The following ADAMTSL1 variants were observed in gnomAD, a reference collection of about 807,000 sequenced individuals.
ADAMTSL1 encodes the protein ADAMTS like 1, also known as ADAMTS-like protein 1.
ADAMTSL1 carries 126 observed loss-of-function variants against 201.8 expected under a neutral mutation model. The ratio of observed to expected loss-of-function variants is 0.62; its 90% CI spans 0.54 to 0.72. The LOEUF is 0.72. ADAMTSL1 is among the 30% of genes least tolerant of loss of function. The pLI, the probability that ADAMTSL1 is intolerant of heterozygous loss-of-function variation, is 0.00. For synonymous variants in ADAMTSL1, 1,121 were observed against 903.4 expected, an observed-to-expected ratio of 1.24 and a Z score of -4.32; for missense variants, 2,679 against 2,277.8, an observed-to-expected ratio of 1.18 and a Z score of -3.59.
intron 5 of ADAMTSL1, 115 bp downstream of exon 5, chr9:18,622,484 C>A: frequency 6.8e-7 from 1 of 1,472,698 alleles, no homozygotes; most frequent in Non-Finnish European, 9.3e-7. Flanking sequence ...GATAATGAAC[C>A]TGAAAATGTA....
At chr9:18,254,424 G>A (rs1245936722) in intron 2 of ADAMTSL1, among the ~76,000 whole-genome samples, 1 of 124,022 alleles carries the variant, frequency 8.1e-6, no homozygotes, top group Admixed American at 1.0e-4. Flanking sequence ...GTACAGTGGC[G>A]CGATCTCAGC....
At chr9:18,572,889 C>T (rs1822428520) in intron 3 of ADAMTSL1, among the ~76,000 whole-genome samples, 1 of 152,182 alleles carries the variant, frequency 6.6e-6, no homozygotes, top group African/African-American at 2.4e-5. Flanking sequence ...AGCCTTTCTA[C>T]AGCTGGAGAG....
At chr9:18,334,258 T>C (rs2132927270) in intron 2 of ADAMTSL1, among the ~76,000 whole-genome samples, 1 of 152,222 alleles carries the variant, frequency 6.6e-6, no homozygotes, top group Non-Finnish European at 1.5e-5. Flanking sequence ...CAATACAAAT[T>C]GGAATTGTGA....
At chr9:18,000,823 G>C (rs59667295) in intron 1 of ADAMTSL1, among the ~76,000 whole-genome samples, 13,485 of 152,106 alleles carry the variant, frequency 0.089, 702 homozygotes, top group African/African-American at 0.13. Flanking sequence ...GGTGAATCCA[G>C]GTGACAGGGA....
rs889387289 is a variant in ADAMTSL1 at position 18,900,047 on chromosome 9, A to G, written c.4852-5735A>G. 3.9e-5 allele frequency among the ~76,000 whole-genome samples: 6 copies of G among 152,356 alleles called. No homozygotes were observed. The South Asian group carries it at 6.2e-4, about 16-fold the overall frequency. On this transcript the variant is annotated intron_variant, in intron 26 of 28. Transcript: ENST00000380548. ...AAATTTTGCAATCTATCCATCTGAC[A>G]AAGGTCTAAATCCAGTCAAGAGGAA...
chr9:18,656,360 G>C (rs946516698), intron 7 of ADAMTSL1, among the ~76,000 whole-genome samples: 1 of 152,054 alleles, frequency 6.6e-6, no homozygotes, highest in Non-Finnish European at 1.5e-5. Flanking sequence ...GGCCAGGCAC[G>C]GTGGCTCACG....
intron 21 of ADAMTSL1, among the ~76,000 whole-genome samples, chr9:18,819,154 G>T (rs4977449): frequency 6.6e-6 from 1 of 151,990 alleles, no homozygotes; most frequent in South Asian, 2.1e-4. Flanking sequence ...GAACTGGTAG[G>T]AGTAAAAGAA....
chr9:18,738,267 T>A (rs555839445), intron 15 of ADAMTSL1, among the ~76,000 whole-genome samples: 1 of 152,284 alleles, frequency 6.6e-6, no homozygotes, highest in East Asian at 1.9e-4. Context: ...TCTTTAAAAC[T>A]ATGGAAAGGA....
At position 18,777,425 on chromosome 9, in the gene ADAMTSL1, C is replaced by T; in HGVS notation, c.3196C>T (p.His1066Tyr). 1 of 1,600,468 alleles carries T rather than the reference C, an allele frequency of 6.2e-7. No homozygotes were observed. The highest frequency in any genetic ancestry group is 8.5e-7 in the Non-Finnish European group (1 of 1,173,996). ...EDPGAEQVLL[H>Y]LPFTMVTEQR... The stretch of plus-strand genomic sequence containing the variant: ...CCCGGGTGCAGAGCAAGTGCTCCTG[C>T]ACCTGCCCTTCACCATGGTGACCGA... Residue 1066 changes from histidine to tyrosine, a missense_variant, in exon 19 of 29, where the codon CAC becomes TAC. By Grantham distance (83) the His-to-Tyr change is moderately conservative (BLOSUM62 2). Transcript: ENST00000380548.
At chr9:18,253,046 C>T (rs938069355) in intron 2 of ADAMTSL1, among the ~76,000 whole-genome samples, 11 of 152,006 alleles carry the variant, frequency 7.2e-5, no homozygotes, top group African/African-American at 1.5e-4. Flanking sequence ...AATACTGTGC[C>T]GCTATTTGAA....
chr9:18,728,167 A>T (rs994805388), intron 15 of ADAMTSL1, among the ~76,000 whole-genome samples: 4 of 152,084 alleles, frequency 2.6e-5, no homozygotes, highest in Non-Finnish European at 5.9e-5. Flanking sequence ...TAGTTGCTGC[A>T]TGAGTTTGGG....
chr9:18,168,622 A>G (rs376241834), intron 2 of ADAMTSL1, among the ~76,000 whole-genome samples: 1 of 150,856 alleles, frequency 6.6e-6, no homozygotes, highest in East Asian at 2.0e-4. Flanking sequence ...ATGATTTATA[A>G]TCCTTTGGGT....
chr9:18,497,150 C>G (rs1029841166), intron 1 of ADAMTSL1, among the ~76,000 whole-genome samples: 6 of 152,152 alleles, frequency 3.9e-5, no homozygotes, highest in Non-Finnish European at 1.5e-5. Flanking sequence ...ACAATTGTTT[C>G]ATTTTTAGAA....
chr9:18,278,122 G>A (rs1429838226), intron 2 of ADAMTSL1, among the ~76,000 whole-genome samples: 1 of 151,900 alleles, frequency 6.6e-6, no homozygotes, highest in Non-Finnish European at 1.5e-5. Flanking sequence ...GTATTCATTA[G>A]GAAACTATTT....
intron 1 of ADAMTSL1, among the ~76,000 whole-genome samples, chr9:18,504,304 A>C (rs572578821): frequency 6.6e-6 from 1 of 152,334 alleles, no homozygotes; most frequent in Admixed American, 6.5e-5. Context: ...CAATCCGTGC[A>C]TTGCTAAAGT....
At chr9:18,385,081 A>G (rs757457733) in intron 2 of ADAMTSL1, among the ~76,000 whole-genome samples, 1 of 152,136 alleles carries the variant, frequency 6.6e-6, no homozygotes, top group Non-Finnish European at 1.5e-5. Context: ...CTCCCAGAGC[A>G]CACAGTCAAA....
chr9:18,143,903 T>C (rs1826510562), intron 1 of ADAMTSL1, among the ~76,000 whole-genome samples: 1 of 152,204 alleles, frequency 6.6e-6, no homozygotes, highest in Non-Finnish European at 1.5e-5. Context: ...ATTAATTTTG[T>C]TTCTGTAGGA....
chr9:17,983,307 G>T (rs1481447622), intron 1 of ADAMTSL1, among the ~76,000 whole-genome samples: 1 of 151,922 alleles, frequency 6.6e-6, no homozygotes, highest in Non-Finnish European at 1.5e-5. Context: ...TTGACTTTGT[G>T]ATCTGCCCGC....
At position 18,811,553 on chromosome 9, in the gene ADAMTSL1, A is replaced by C. The variant is rs1823510804; in HGVS notation, c.3806-5556A>C. 2.0e-5 allele frequency among the ~76,000 whole-genome samples: 3 copies of C among 152,238 alleles called. 1 individual carries two copies. The South Asian group carries it at 6.2e-4, about 31-fold the overall frequency. On this transcript the variant is annotated intron_variant, in intron 20 of 28. Transcript: ENST00000380548. ...GAGGCCAAGTGGAGAACTTGGACTT[A>C]ACCTGCACTGGGTAGTAACAAGGAG... is the stretch of plus-strand genomic sequence containing the variant.
Sources: allele counts gnomAD v4.1 joint callset (sites outside exome capture counted in the v4.1 genomes callset), GRCh38; gene constraint gnomAD v4.1.1; transcripts MANE v1.5; gene names NCBI Gene and HGNC (gene_info 2026-07-23, HGNC 2026-07-21).